The following HCN1 variants were observed in gnomAD, a reference collection of about 807,000 sequenced individuals.
HCN1 encodes the protein potassium/sodium hyperpolarization-activated cyclic nucleotide-gated channel 1.
A neutral mutation model predicts 78.9 loss-of-function variants in HCN1; 13 were observed. The observed-to-expected ratio is 0.16, with a 90% confidence interval of 0.11 to 0.26. The LOEUF (loss-of-function observed/expected upper bound fraction) is 0.26, where lower values mean the gene tolerates loss of function less well. Ranked by LOEUF, HCN1 falls within the 10% of genes least tolerant of loss-of-function variation. HCN1 has a pLI of 1.00. For synonymous variants in HCN1, 552 were observed against 455.5 expected, an observed-to-expected ratio of 1.21 and a Z score of -2.70; for missense variants, 810 against 1,154.3, an observed-to-expected ratio of 0.70 and a Z score of 4.32.
At chr5:45,340,279 T>C (rs559396290) in intron 5 of HCN1, among the ~76,000 whole-genome samples, 61 of 152,298 alleles carry the variant, frequency 4.0e-4, no homozygotes, top group African/African-American at 1.3e-3. Flanking sequence ...CTTCATTATA[T>C]ATTACCTTGA....
chr5:45,364,969 A>G (rs62367555), intron 4 of HCN1, among the ~76,000 whole-genome samples: 8,428 of 152,128 alleles, frequency 0.055, 350 homozygotes, highest in East Asian at 0.13. Context: ...TCACACTATT[A>G]TAATTTCTAC....
intron 2 of HCN1, among the ~76,000 whole-genome samples, chr5:45,596,677 G>C (rs1744505565): frequency 6.6e-6 from 1 of 152,160 alleles, no homozygotes; most frequent in Non-Finnish European, 1.5e-5. Context: ...GGATCCCTAG[G>C]TGAGGTTGAA....
At chr5:45,569,819 T>C (rs530746891) in intron 2 of HCN1, among the ~76,000 whole-genome samples, 24 of 151,886 alleles carry the variant, frequency 1.6e-4, no homozygotes, top group African/African-American at 3.1e-4. Flanking sequence ...GCATCATTAT[T>C]ATCATCATCA....
chr5:45,580,122 C>A (rs1487399163), intron 2 of HCN1, among the ~76,000 whole-genome samples: 1 of 152,074 alleles, frequency 6.6e-6, no homozygotes, highest in Non-Finnish European at 1.5e-5. Flanking sequence ...CTATGTCCTA[C>A]TCCCTGGACC....
chr5:45,535,115 T>C (rs1423318298), intron 2 of HCN1, among the ~76,000 whole-genome samples: 1 of 152,136 alleles, frequency 6.6e-6, no homozygotes, highest in Non-Finnish European at 1.5e-5. Context: ...TTTTAAAAAA[T>C]GCAAATCATA....
chr5:45,571,640 C>T (rs189180297), intron 2 of HCN1, among the ~76,000 whole-genome samples: 8 of 152,240 alleles, frequency 5.3e-5, no homozygotes, highest in South Asian at 2.1e-4. Flanking sequence ...TGAGGACAGA[C>T]GCGGTGTCTC....
chr5:45,519,061 G>T (rs1742568367), intron 2 of HCN1, among the ~76,000 whole-genome samples: 3 of 151,762 alleles, frequency 2.0e-5, no homozygotes, highest in African/African-American at 7.3e-5. Context: ...AACAAAAAGA[G>T]GGCCATCAAA....
At chr5:45,439,537 T>C (rs1016165535) in intron 3 of HCN1, among the ~76,000 whole-genome samples, 2 of 152,136 alleles carry the variant, frequency 1.3e-5, no homozygotes, top group Non-Finnish European at 2.9e-5. Flanking sequence ...ATTAATGTTA[T>C]TTTTGAGAAA....
chr5:45,495,652 TGA>T (rs1168052217), intron 2 of HCN1, among the ~76,000 whole-genome samples: 17 of 152,278 alleles, frequency 1.1e-4, no homozygotes, highest in African/African-American at 3.8e-4. Context: ...ATAGGAGTGG[TGA>T]GAGAGGTCAT....
At chr5:45,413,307 A>T (rs1178368566) in intron 3 of HCN1, among the ~76,000 whole-genome samples, 1 of 152,086 alleles carries the variant, frequency 6.6e-6, no homozygotes, top group African/African-American at 2.4e-5. Flanking sequence ...TTAATTTCAG[A>T]TATTTTTTAT....
intron 6 of HCN1, among the ~76,000 whole-genome samples, chr5:45,287,222 T>C (rs992005538): frequency 4.0e-5 from 6 of 151,846 alleles, no homozygotes; most frequent in African/African-American, 9.7e-5. Flanking sequence ...CCTGTTACTG[T>C]AGGAAGAGCG....
At chr5:45,376,271 T>TATATAGA (rs1747668032) in intron 4 of HCN1, among the ~76,000 whole-genome samples, 4 of 132,720 alleles carry the variant, frequency 3.0e-5, no homozygotes, top group Non-Finnish European at 3.1e-5. Flanking sequence ...ATATATATTC[T>TATATAGA]ATATAGAATA....
chr5:45,505,134 T>G (rs1742272333), intron 2 of HCN1, among the ~76,000 whole-genome samples: 2 of 152,234 alleles, frequency 1.3e-5, no homozygotes, highest in South Asian at 4.1e-4. Context: ...TTTTGGCTTT[T>G]GTTGCCATTG....
chr5:45,568,799 A>C (rs1743768285), intron 2 of HCN1, among the ~76,000 whole-genome samples: 1 of 152,094 alleles, frequency 6.6e-6, no homozygotes, highest in South Asian at 2.1e-4. Flanking sequence ...TATGTACGTA[A>C]GGGCTCGGAA....
chr5:45,581,239 G>A (rs551323481), intron 2 of HCN1, among the ~76,000 whole-genome samples: 1 of 152,298 alleles, frequency 6.6e-6, no homozygotes, highest in South Asian at 2.1e-4. Flanking sequence ...TCTAACTGGT[G>A]TGAGATGGTA....
chr5:45,420,445 T>A (rs971854448), intron 3 of HCN1, among the ~76,000 whole-genome samples: 8 of 152,180 alleles, frequency 5.3e-5, no homozygotes, highest in Admixed American at 5.2e-4. Context: ...CATGTAAGGC[T>A]GTCTCAGGGG....
At chr5:45,319,845 G>C (rs1746086212) in intron 5 of HCN1, among the ~76,000 whole-genome samples, 1 of 151,670 alleles carries the variant, frequency 6.6e-6, no homozygotes, top group African/African-American at 2.4e-5. Flanking sequence ...ATCTCATTTA[G>C]TTATTATAAA....
At chr5:45,582,691 T>C (rs1190307817) in intron 2 of HCN1, among the ~76,000 whole-genome samples, 1 of 152,218 alleles carries the variant, frequency 6.6e-6, no homozygotes, top group Non-Finnish European at 1.5e-5. Context: ...TTGAGATACG[T>C]CCCATCAATA....
In HCN1 at chr5:45,262,468, T is replaced by G; in HGVS notation, c.2126A>C (p.Gln709Pro). The G allele has an allele frequency of 4.3e-6, 7 of 1,612,594 alleles. No individual in the cohort carries two copies. The highest frequency in any genetic ancestry group is 5.9e-6 in the Non-Finnish European group (7 of 1,179,636). The change falls in exon 8 of 8, where the codon CAG (glutamine) becomes CCG (proline). Residue 709 changes from glutamine to proline, a missense_variant. Around this residue, in one of 6 missense-constraint regions of HCN1, gnomAD observed 398 missense variants for 381.3 expected, o/e 1.04. Transcript: ENST00000303230. The stretch of plus-strand genomic sequence containing the variant: ...GAAAGTTCGAGCGGCCAGAGGGCTC[T>G]GTACAGGAGGGCTGCAGACCGCGGT... ...YTTAVCSPPV[Q>P]SPLAARTFHY... is the part of the protein sequence containing the mutation.
Sources: allele counts gnomAD v4.1 joint callset (sites outside exome capture counted in the v4.1 genomes callset), GRCh38; gene constraint gnomAD v4.1.1; regional missense constraint gnomAD v4.1.1; transcripts MANE v1.5; gene names NCBI Gene and HGNC (gene_info 2026-07-23, HGNC 2026-07-21).